The following NFIA variants were observed in gnomAD, a reference collection of about 807,000 sequenced individuals.
NFIA encodes the protein nuclear factor 1 A-type.
Under a neutral mutation model 62.8 loss-of-function variants are expected in NFIA, and 8 were observed. The observed-to-expected ratio is 0.13, with a 90% CI of 0.07 to 0.23. NFIA has a LOEUF of 0.23. NFIA is among the 10% of genes least tolerant of loss of function. NFIA has a pLI of 1.00. For synonymous variants in NFIA, 235 were observed against 238.1 expected, an observed-to-expected ratio of 0.99 and a Z score of 0.12; for missense variants, 410 against 642.1, an observed-to-expected ratio of 0.64 and a Z score of 3.91.
intron 2 of NFIA, among the ~76,000 whole-genome samples, chr1:61,180,691 T>C (rs1650701772): frequency 6.6e-6 from 1 of 152,138 alleles, no homozygotes; most frequent in African/African-American, 2.4e-5. Flanking sequence ...AAGTAGATGG[T>C]CTGATGGGGT....
chr1:61,082,857 G>T, intron 1 of NFIA, 39 bp downstream of exon 1: 1 of 1,544,892 alleles, frequency 6.5e-7, no homozygotes, highest in Non-Finnish European at 8.7e-7. Flanking sequence ...TGGGGGCCGG[G>T]GCGCCGGGGG....
intron 2 of NFIA, among the ~76,000 whole-genome samples, chr1:61,125,479 G>A (rs1222754785): frequency 6.6e-6 from 1 of 152,146 alleles, no homozygotes; most frequent in Non-Finnish European, 1.5e-5. Context: ...GAACGACAAG[G>A]CTATCTGGAG....
intron 3 of NFIA, among the ~76,000 whole-genome samples, chr1:61,295,629 CACTT>C (rs1204810756): frequency 1.3e-5 from 2 of 152,212 alleles, no homozygotes; most frequent in African/African-American, 2.4e-5. Context: ...AGAACAGAAA[CACTT>C]ACTAATTGTA....
At chr1:61,443,868 C>G (rs1021928353) in intron 10 of NFIA, among the ~76,000 whole-genome samples, 60 of 152,266 alleles carry the variant, frequency 3.9e-4, no homozygotes, top group African/African-American at 1.4e-3. Flanking sequence ...TTTCAATAAG[C>G]CAGGAAATCA....
intron 7 of NFIA, among the ~76,000 whole-genome samples, chr1:61,399,955 C>T (rs2207794): frequency 0.33 from 50,871 of 152,042 alleles, 10,727 homozygotes; most frequent in African/African-American, 0.6. Flanking sequence ...CTGCTTTTAA[C>T]GGAAGAAGCA....
At chr1:61,115,045 T>C (rs1390651322) in intron 2 of NFIA, among the ~76,000 whole-genome samples, 1 of 152,164 alleles carries the variant, frequency 6.6e-6, no homozygotes, top group Non-Finnish European at 1.5e-5. Flanking sequence ...AGTGGTGCGA[T>C]CTTGGCCCAC....
In NFIA at chr1:61,411,864, A is replaced by G. The variant is rs1165620693; in HGVS notation, c.1420+5137A>G. Among the ~76,000 whole-genome samples the G allele has an allele frequency of 2.0e-5, 3 of 151,668 alleles. No individual in the cohort carries two copies. In the East Asian group the frequency reaches 5.9e-4, roughly 30 times the overall value. ...AGGTTTCCAAGCAGAAGAACCAGCC[A>G]GTAGAAAGGCAGACCAATGTGGTGA... is the stretch of plus-strand genomic sequence containing the variant. On this transcript the variant is annotated intron_variant, in intron 9 of 10. Coordinates refer to ENST00000403491, the MANE Select transcript of NFIA (RefSeq NM_001134673.4).
At chr1:61,416,373 A>G (rs1356455455) in intron 9 of NFIA, among the ~76,000 whole-genome samples, 1 of 152,172 alleles carries the variant, frequency 6.6e-6, no homozygotes, top group Non-Finnish European at 1.5e-5. Flanking sequence ...CAATTTTTAT[A>G]CATCTAGCTT....
intron 2 of NFIA, among the ~76,000 whole-genome samples, chr1:61,139,101 C>G (rs920086547): frequency 1.3e-5 from 2 of 152,090 alleles, no homozygotes; most frequent in African/African-American, 4.8e-5. Context: ...CTGCTTGAAC[C>G]CGGGAGGCGG....
chr1:61,368,670 G>A (rs1397884218), intron 6 of NFIA, among the ~76,000 whole-genome samples: 3 of 152,100 alleles, frequency 2.0e-5, no homozygotes, highest in African/African-American at 4.8e-5. Context: ...ATCGTGCAGG[G>A]CACTATACAT....
At chr1:61,414,786 T>G (rs993834209) in intron 9 of NFIA, among the ~76,000 whole-genome samples, 7 of 152,210 alleles carry the variant, frequency 4.6e-5, no homozygotes, top group Non-Finnish European at 8.8e-5. Context: ...ACTGTTTTTT[T>G]TCATTAGTGA....
At chr1:61,230,980 G>C (rs974593780) in intron 2 of NFIA, among the ~76,000 whole-genome samples, 2 of 152,166 alleles carry the variant, frequency 1.3e-5, no homozygotes, top group African/African-American at 4.8e-5. Context: ...CTTGCAGTTA[G>C]GGACTTACCT....
intron 6 of NFIA, among the ~76,000 whole-genome samples, chr1:61,376,480 G>T (rs139591245): frequency 6.6e-6 from 1 of 152,214 alleles, no homozygotes; most frequent in African/African-American, 2.4e-5. Flanking sequence ...TTATTTTGTG[G>T]AGGTTCTGTG....
intron 2 of NFIA, among the ~76,000 whole-genome samples, chr1:61,136,231 C>T (rs1418347526): frequency 6.6e-6 from 1 of 152,192 alleles, no homozygotes; most frequent in East Asian, 1.9e-4. Context: ...AAACTCTCTG[C>T]ATTCCGTGAC....
chr1:61,113,303 G>A (rs572390026), intron 2 of NFIA, among the ~76,000 whole-genome samples: 2 of 152,070 alleles, frequency 1.3e-5, no homozygotes, highest in African/African-American at 4.8e-5. Flanking sequence ...ATGAGAATAT[G>A]TTTGGTGGGC....
intron 7 of NFIA, among the ~76,000 whole-genome samples, chr1:61,400,065 G>T (rs181226677): frequency 2.0e-4 from 31 of 152,230 alleles, no homozygotes; most frequent in Middle Eastern, 3.4e-3. Context: ...AGAACTGGTG[G>T]GCTGCTGGAC....
intron 2 of NFIA, among the ~76,000 whole-genome samples, chr1:61,143,999 G>T (rs28715446): frequency 6.6e-6 from 1 of 152,166 alleles, no homozygotes; most frequent in Non-Finnish European, 1.5e-5. Context: ...AATAAATCCG[G>T]TTATCTGTTT....
At chr1:61,294,144 A>G (rs1038185594) in intron 3 of NFIA, among the ~76,000 whole-genome samples, 6 of 152,242 alleles carry the variant, frequency 3.9e-5, no homozygotes, top group Admixed American at 2.0e-4. Context: ...AGCACAGTAC[A>G]TGCATCTTTG....
intron 10 of NFIA, among the ~76,000 whole-genome samples, chr1:61,435,157 T>C (rs1321611827): frequency 6.6e-6 from 1 of 152,184 alleles, no homozygotes; most frequent in Non-Finnish European, 1.5e-5. Flanking sequence ...CTCACCAGGT[T>C]TCTCTGGGGG....
Sources: allele counts gnomAD v4.1 joint callset (sites outside exome capture counted in the v4.1 genomes callset), GRCh38; gene constraint gnomAD v4.1.1; transcripts MANE v1.5; gene names NCBI Gene and HGNC (gene_info 2026-07-23, HGNC 2026-07-21).